The following COPZ2 variants were observed in gnomAD, a reference collection of about 807,000 sequenced individuals.
The protein encoded by COPZ2 is coat protein complex I subunit zeta 2, also known as coatomer subunit zeta-2.
In COPZ2, 30 loss-of-function variants were observed where a neutral mutation model predicts 33.2. The observed-to-expected ratio is 0.90, with a 90% confidence interval of 0.68 to 1.23. The LOEUF is 1.23. COPZ2 is among the 50% of genes most tolerant of loss of function. The probability of loss-of-function intolerance (pLI) is 0.00; values close to 1 mark genes in which losing one functional copy is unlikely to be tolerated. For synonymous variants in COPZ2, 89 were observed against 102.6 expected, an observed-to-expected ratio of 0.87 and a Z score of 0.80; for missense variants, 263 against 262.4, an observed-to-expected ratio of 1.00 and a Z score of -0.02.
chr17:48,029,335 T>C, intron 6 of COPZ2, 159 bp from the exon 7 acceptor site: 1 of 709,094 alleles, frequency 1.4e-6, no homozygotes, highest in Non-Finnish European at 2.5e-6. Context: ...GAACTCTCCC[T>C]CAGCATGGAG....
At chr17:48,037,860 C>T (rs187959271), upstream of COPZ2, 16 of 981,252 alleles carry the variant, frequency 1.6e-5, no homozygotes, top group East Asian at 9.2e-4. The surrounding 1 kb of genome is among the most constrained non-coding windows in gnomAD (Gnocchi z 5.6). Context: ...CCGCGGCCCC[C>T]TCTCGCGCGT....
At chr17:48,044,641 A>G in the COPZ2 span, among the ~76,000 whole-genome samples, 18 of 152,192 alleles carry the variant, frequency 1.2e-4, no homozygotes, top group African/African-American at 3.6e-4. Context: ...CAATCTTCTA[A>G]GAGTGTGGTA....
At chr17:48,030,363 A>T (rs900256997) in intron 6 of COPZ2, among the ~76,000 whole-genome samples, 1 of 151,748 alleles carries the variant, frequency 6.6e-6, no homozygotes, top group African/African-American at 2.4e-5. Flanking sequence ...CTTTTGATAG[A>T]CCCAAATATT....
intron 2 of COPZ2, 32 bp downstream of exon 2, chr17:48,036,819 C>A (rs746111672): frequency 6.2e-7 from 1 of 1,601,188 alleles, no homozygotes; most frequent in Admixed American, 1.7e-5. Context: ...TGAGTGGGAA[C>A]TGTGTCCCTC....
At chr17:48,035,062 G>A (rs867015094) in intron 2 of COPZ2, among the ~76,000 whole-genome samples, 2 of 152,152 alleles carry the variant, frequency 1.3e-5, no homozygotes, top group African/African-American at 2.4e-5. Context: ...CACTAAGGAC[G>A]GTCTGACTGC....
At chr17:48,047,143 G>A in the COPZ2 span, 4 of 152,158 alleles carry the variant, frequency 2.6e-5, no homozygotes, top group African/African-American at 9.7e-5. Flanking sequence ...AGCACAAAAT[G>A]GACTCGATTA....
At chr17:48,047,407 C>T in the COPZ2 span, 1 of 152,178 alleles carries the variant, frequency 6.6e-6, no homozygotes, top group South Asian at 2.1e-4. Context: ...CCAGTGGGAC[C>T]TCGGAATTCG....
chr17:48,037,703 C>G lies in COPZ2; in HGVS notation c.75G>C (p.Ala25=). 9.2e-7 allele frequency: 1 copy of G among 1,086,764 alleles called. No homozygotes were observed. Among genetic ancestry groups the G allele is most frequent in the Non-Finnish European group, 1.1e-6 (1 of 897,860 alleles). The allele number at this position is 1,086,764 out of a possible 1,614,324, so 67.3% of individuals were successfully genotyped here. A position where few individuals can be genotyped will look rare whatever the true frequency, so the allele number is the denominator to read the frequency against. The change falls in exon 1 of 9, where the codon GCG becomes GCC. Residue 25 remains alanine (A), a synonymous_variant. Coordinates refer to ENST00000621465, the MANE Select transcript of COPZ2 (RefSeq NM_016429.4). This position sits in a 1 kb window ranked among gnomAD's most constrained non-coding sequence, Gnocchi z 5.6. ...GAAAAQAGGP[A]PPARAGEPSG... ...AGGGCTCCCCGGCTCGAGCAGGCGGCGCCGGGCCCCCGGCCTGGGCCGCCG... is the reference window on the plus strand; with the variant it reads ...AGGGCTCCCCGGCTCGAGCAGGCGGGGCCGGGCCCCCGGCCTGGGCCGCCG...
the COPZ2 span, among the ~76,000 whole-genome samples, chr17:48,044,100 A>G: frequency 2.6e-5 from 4 of 152,220 alleles, no homozygotes; most frequent in African/African-American, 9.6e-5. Flanking sequence ...TAATCCCAGC[A>G]CTTTGGGAGG....
Position 48,033,908 on chromosome 17 carries a change from T to C in COPZ2, c.223A>G (p.Met75Val). The part of the protein sequence containing the change: ...DDTFPSMKEQ[M>V]VFEKNVFNKT... ...TTGAAGACATTTTTCTCGAAAACCA[T>C]CTGCTCCTTCATGGAGGGGAATGTG... The change falls in exon 3 of 9, where the codon ATG (methionine) becomes GTG (valine). Residue 75 changes from methionine to valine, a missense_variant. Met to Val is a conservative substitution (Grantham distance 21). Transcript: ENST00000621465. 6.2e-7 allele frequency: 1 copy of C among 1,611,884 alleles called. No individual in the cohort carries two copies. Among genetic ancestry groups the C allele is most frequent in the Non-Finnish European group, 8.5e-7 (1 of 1,178,960 alleles).
chr17:48,031,912 C>T lies in COPZ2; in HGVS notation c.494+244G>A, dbSNP rs1350457554. 4 of 566,482 alleles carry T rather than the reference C, an allele frequency of 7.1e-6. No individual in the cohort carries two copies. The East Asian group carries it at 1.2e-4, about 17-fold the overall frequency. The allele number at this position is 566,482 out of a possible 1,614,324, so 35.1% of individuals were successfully genotyped here. ...CCAAACCCTGCCTATTCAACAGTCT[C>T]CCATAGTTTGACATCAGGTTAGTCT... is the stretch of plus-strand genomic sequence containing the variant. On this transcript the variant is annotated intron_variant, in intron 6 of 8. Transcript: ENST00000621465.
At position 48,033,051 on chromosome 17, in the gene COPZ2, T is replaced by C. The variant is rs138244144; in HGVS notation, c.360+160A>G. ...TAAGGGGCATCGAAGATACACATTG[T>C]CCCAGAAAGAACCCTTCTGGCTGCC... On this transcript the variant is annotated intron_variant, in intron 4 of 8. Transcript: ENST00000621465. 3.1e-4 allele frequency: 192 copies of C among 612,912 alleles called. No individual in the cohort carries two copies. In the African/African-American group the frequency reaches 3.3e-3, roughly 11 times the overall value. The allele number at this position is 612,912 out of a possible 1,614,324, so 38.0% of individuals were successfully genotyped here.
At chr17:48,040,134 C>CACA (rs2037047423), upstream of COPZ2, among the ~76,000 whole-genome samples, 3 of 121,470 alleles carry the variant, frequency 2.5e-5, no homozygotes, top group African/African-American at 1.0e-4. Flanking sequence ...ACCCACCCAC[C>CACA]CACACACACA....
At chr17:48,027,955 G>A (rs764544719) in intron 8 of COPZ2, among the ~76,000 whole-genome samples, 2 of 152,152 alleles carry the variant, frequency 1.3e-5, no homozygotes, top group African/African-American at 4.8e-5. Flanking sequence ...TTCTTCCATA[G>A]CCAGGTCACT....
At chr17:48,043,180 A>T in the COPZ2 span, among the ~76,000 whole-genome samples, 1 of 152,186 alleles carries the variant, frequency 6.6e-6, no homozygotes, top group Non-Finnish European at 1.5e-5. Flanking sequence ...GCACAGTAGG[A>T]TGGAGAGGTG....
At chr17:48,031,583 T>C (rs2036895234) in intron 6 of COPZ2, 1 of 152,314 alleles carries the variant, frequency 6.6e-6, no homozygotes, top group South Asian at 2.1e-4. Flanking sequence ...CCTAGCTTCC[T>C]AAGAATATAC....
At chr17:48,035,856 C>T (rs899755799) in intron 2 of COPZ2, among the ~76,000 whole-genome samples, 3 of 151,044 alleles carry the variant, frequency 2.0e-5, no homozygotes, top group Non-Finnish European at 4.4e-5. Flanking sequence ...CAGGTTCAAG[C>T]AATTCTCCTG....
At chr17:48,039,515 AGAG>A (rs1327521274), upstream of COPZ2, among the ~76,000 whole-genome samples, 2 of 151,548 alleles carry the variant, frequency 1.3e-5, no homozygotes, top group Admixed American at 6.6e-5. Flanking sequence ...AAAGAAAGGA[AGAG>A]GAGGAGGAGG....
chr17:48,044,426 T>A, the COPZ2 span, among the ~76,000 whole-genome samples: 2 of 148,640 alleles, frequency 1.3e-5, no homozygotes, highest in African/African-American at 2.5e-5. Flanking sequence ...TTTTTTTTTT[T>A]TACCCCAATG....
Sources: allele counts gnomAD v4.1 joint callset (sites outside exome capture counted in the v4.1 genomes callset), GRCh38; gene constraint gnomAD v4.1.1; non-coding constraint Gnocchi (gnomAD v3.1); transcripts MANE v1.5; gene names NCBI Gene and HGNC (gene_info 2026-07-23, HGNC 2026-07-21).